The following MUC4 variants were observed in gnomAD, a reference collection of about 807,000 sequenced individuals.
MUC4 encodes the protein mucin-4.
In MUC4, 202 loss-of-function variants were observed where a neutral mutation model predicts 257.9. The ratio of observed to expected loss-of-function variants is 0.78; its 90% CI spans 0.70 to 0.88. The LOEUF (loss-of-function observed/expected upper bound fraction) is 0.88, where lower values mean the gene tolerates loss of function less well. Ranked by LOEUF, MUC4 falls within the 40% of genes least tolerant of loss-of-function variation. The probability of loss-of-function intolerance (pLI) is 0.00; values close to 1 mark genes in which losing one functional copy is unlikely to be tolerated. For synonymous variants in MUC4, 2,351 were observed against 2,757.1 expected, an observed-to-expected ratio of 0.85 and a Z score of 4.62; for missense variants, 5,976 against 6,513.7, an observed-to-expected ratio of 0.92 and a Z score of 2.84.
In MUC4 at chr3:195,789,259, T is replaced by TG; in HGVS notation, c.2320dup (p.His774ProfsTer4). On this transcript the variant is annotated frameshift_variant, in exon 2 of 25. Coordinates refer to ENST00000463781, the MANE Select transcript of MUC4 (RefSeq NM_018406.7). LOFTEE classifies it high-confidence loss of function. ...AGAGGCCTCTGTGCTCTCAGCCTGG[T>TG]GGGTATGGGTCATGGCTGCTGCTGT... is the stretch of plus-strand genomic sequence containing the variant. 1.2e-6 allele frequency: 2 copies of TG among 1,613,826 alleles called. No individual in the cohort carries two copies. The highest frequency in any genetic ancestry group is 1.7e-6 in the Non-Finnish European group (2 of 1,179,840).
chr3:195,784,077 G>C lies in MUC4; in HGVS notation c.7503C>G (p.Ser2501Arg), dbSNP rs1252041830. Residue 2501 changes from serine to arginine, a missense_variant, in exon 2 of 25, where the codon AGC (serine) becomes AGG (arginine). This residue lies in a region of MUC4 where 135 missense variants were observed against 114.7 expected (regional missense o/e 1.18). Transcript: ENST00000463781. ...TGDTTRLPVT[S>R]PSSASTGHTT... Reference sequence around the variant, plus strand: ...TGTGACCTGTAGATGCTGAGGAAGGGCTGGTGACAGGAAGACGGGTGGTGT... The same window carrying C: ...TGTGACCTGTAGATGCTGAGGAAGGCCTGGTGACAGGAAGACGGGTGGTGT... 2 of 1,529,128 alleles carry C rather than the reference G, an allele frequency of 1.3e-6. No homozygotes were observed. Among genetic ancestry groups the C allele is most frequent in the East Asian group, 2.5e-5 (1 of 40,782 alleles). 94.7% of individuals were successfully genotyped at this position (1,529,128 alleles called of 1,614,324 possible).
intron 2 of MUC4, 63 bp downstream of exon 2, chr3:195,778,727 C>T (rs1342726855): frequency 1.3e-6 from 2 of 1,498,156 alleles, no homozygotes; most frequent in Admixed American, 4.0e-5. Context: ...TCAGGTACTC[C>T]TTAGGCTGAA....
In MUC4 at chr3:195,751,203, T is replaced by G. The variant is rs200031788; in HGVS notation, c.15647+4A>C. On this transcript the variant is annotated splice_donor_region_variant and intron_variant, in intron 22 of 24. Coordinates refer to ENST00000463781, the MANE Select transcript of MUC4 (RefSeq NM_018406.7). ...GGGGCTTAGGGGGACACAGTCCCACTTACATTCGTTCCACTTGGCTGTTGC... is the reference window on the plus strand; with the variant it reads ...GGGGCTTAGGGGGACACAGTCCCACGTACATTCGTTCCACTTGGCTGTTGC... 16 of 1,599,840 alleles carry G rather than the reference T, an allele frequency of 1.0e-5. 1 individual carries two copies. The African/African-American group carries it at 2.1e-4, about 21-fold the overall frequency.
Position 195,757,435 on chromosome 3 carries a change from C to A in MUC4, c.14987-107G>T. The A allele has an allele frequency of 2.0e-6, 2 of 1,023,348 alleles. No individual in the cohort carries two copies. The highest frequency in any genetic ancestry group is 1.4e-6 in the Non-Finnish European group (1 of 705,548). The allele number at this position is 1,023,348 out of a possible 1,614,324, so 63.4% of individuals were successfully genotyped here. On this transcript the variant is annotated intron_variant, in intron 17 of 24. Transcript: ENST00000463781. The surrounding 1 kb of genome is among the most constrained non-coding windows in gnomAD (Gnocchi z 4.8). ...ACCCCTCTCAGGCCACCCTCCCCCT[C>A]CCCAGACAAATCTCATTGGTCATTT...
At position 195,782,952 on chromosome 3, in the gene MUC4, A is replaced by G; in HGVS notation, c.8628T>C (p.Gly2876=). ...CGGTGACAGGAAGAGGGGTGGCATG[A>G]CCTGTGGACACTGAGGAAGCGTCGG... ...PVTDASSVST[G]HATPLPVTDA... is the part of the protein sequence containing the mutation. Residue 2876 remains glycine, a synonymous_variant, in exon 2 of 25, where the codon GGT becomes GGC. Transcript: ENST00000463781. 8.2e-7 allele frequency: 1 copy of G among 1,213,926 alleles called. No homozygotes were observed. The highest frequency in any genetic ancestry group is 1.1e-6 in the Non-Finnish European group (1 of 901,306). The allele number at this position is 1,213,926 out of a possible 1,614,324, so 75.2% of individuals were successfully genotyped here. A position where few individuals can be genotyped will look rare whatever the true frequency, so the allele number is the denominator to read the frequency against.
chr3:195,803,583 A>G (rs887486738), intron 1 of MUC4, among the ~76,000 whole-genome samples: 3 of 152,332 alleles, frequency 2.0e-5, no homozygotes, highest in East Asian at 1.9e-4. Context: ...GAATAATACA[A>G]ATGTTCACAG....
chr3:195,780,825 A>G lies in MUC4; in HGVS notation c.10755T>C (p.Leu3585=), dbSNP rs1487252827. 1.8e-6 allele frequency: 2 copies of G among 1,116,244 alleles called. No homozygotes were observed. Among genetic ancestry groups the G allele is most frequent in the South Asian group, 2.7e-5 (2 of 74,276 alleles). The allele number at this position is 1,116,244 out of a possible 1,614,324, so 69.1% of individuals were successfully genotyped here. A position where few individuals can be genotyped will look rare whatever the true frequency, so the allele number is the denominator to read the frequency against. The change falls in exon 2 of 25, where the codon CTT becomes CTC. Residue 3585 remains leucine, a synonymous_variant. Coordinates refer to ENST00000463781, the MANE Select transcript of MUC4 (RefSeq NM_018406.7). ...SSVSTGDTTP[L]LVTDASSVST... Reference sequence around the variant, plus strand: ...ATACTGAGGAAGCGTCGGTGACAAGAAGAGGGGTGGTGTCACCTGTGGATA... The same window carrying G: ...ATACTGAGGAAGCGTCGGTGACAAGGAGAGGGGTGGTGTCACCTGTGGATA...
At chr3:195,769,517 G>A (rs937302591) in intron 6 of MUC4, 3 of 231,450 alleles carry the variant, frequency 1.3e-5, no homozygotes, top group Admixed American at 5.0e-5. Flanking sequence ...GCTCCCGCGC[G>A]GATATTTAAG....
At chr3:195,801,694 C>T (rs982255790) in intron 1 of MUC4, among the ~76,000 whole-genome samples, 8 of 152,270 alleles carry the variant, frequency 5.3e-5, no homozygotes, top group Admixed American at 2.6e-4. Flanking sequence ...CCGTTTTCCT[C>T]AGAGCTACCA....
In MUC4 at chr3:195,757,421, G is replaced by T; in HGVS notation, c.14987-93C>A. 7.6e-6 allele frequency: 9 copies of T among 1,182,660 alleles called. No homozygotes were observed. The highest frequency in any genetic ancestry group is 1.1e-5 in the Non-Finnish European group (9 of 842,310). The allele number at this position is 1,182,660 out of a possible 1,614,324, so 73.3% of individuals were successfully genotyped here. A position where few individuals can be genotyped will look rare whatever the true frequency, so the allele number is the denominator to read the frequency against. On this transcript the variant is annotated intron_variant, in intron 17 of 24. Transcript: ENST00000463781. This position sits in a 1 kb window ranked among gnomAD's most constrained non-coding sequence, Gnocchi z 4.8. ...ACGGGGCTTCCCCCACCCCTCTCAG[G>T]CCACCCTCCCCCTCCCCAGACAAAT...
Position 195,765,329 on chromosome 3 carries a change from G to A in MUC4, c.13739C>T (p.Ser4580Phe), listed in dbSNP as rs530127027. The A allele has an allele frequency of 3.1e-6, 5 of 1,613,876 alleles. No homozygotes were observed. Among genetic ancestry groups the A allele is most frequent in the South Asian group, 2.2e-5 (2 of 91,082 alleles). The change falls in exon 9 of 25, where the codon TCC becomes TTC. Residue 4580 changes from serine to phenylalanine, a missense_variant. Ser to Phe is a radical substitution (Grantham distance 155, BLOSUM62 -2). Around this residue, in one of 44 missense-constraint regions of MUC4, gnomAD observed 996 missense variants for 1,137.3 expected, o/e 0.88. Transcript: ENST00000463781. ...TCCCTGCTGCCAGGAACAAGGGCAG[G>A]AGACCTGGTTCCAGCCCCAGCTGGG... ...RWPSWGWNQV[S>F]CPCSWQQGRR... is the part of the protein sequence containing the mutation.
chr3:195,799,888 A>T (rs1437324135), intron 1 of MUC4, among the ~76,000 whole-genome samples: 1 of 152,196 alleles, frequency 6.6e-6, no homozygotes, highest in African/African-American at 2.4e-5. Flanking sequence ...AGTGTGCAAG[A>T]GTGTGCCTGT....
chr3:195,759,990 G>A (rs1457370262), intron 16 of MUC4, among the ~76,000 whole-genome samples: 1 of 151,708 alleles, frequency 6.6e-6, no homozygotes, highest in Non-Finnish European at 1.5e-5. Context: ...CAGAAATAGA[G>A]AGGGAGTGAA....
At chr3:195,758,762 G>T (rs1464245116) in intron 17 of MUC4, among the ~76,000 whole-genome samples, 1 of 149,304 alleles carries the variant, frequency 6.7e-6, no homozygotes, top group Non-Finnish European at 1.5e-5. Flanking sequence ...GTACAGACGG[G>T]GTTTCACCAT....
intron 23 of MUC4, 155 bp downstream of exon 23, chr3:195,750,734 C>A (rs532729414): frequency 1.4e-6 from 1 of 730,950 alleles, no homozygotes; most frequent in Non-Finnish European, 2.2e-6. Flanking sequence ...CTCCTGCTCT[C>A]GAATCTAAAA....
chr3:195,773,522 CCATCGCTCAGCAGG>C (rs1410839923), intron 4 of MUC4, among the ~76,000 whole-genome samples: 7 of 134,092 alleles, frequency 5.2e-5, no homozygotes, highest in African/African-American at 2.5e-4. Flanking sequence ...CACCCTCTCT[CCATCGCTCAGCAGG>C]TGTGGACACC....
chr3:195,796,934 A>T (rs192259856), intron 1 of MUC4, among the ~76,000 whole-genome samples: 58 of 152,174 alleles, frequency 3.8e-4, no homozygotes, highest in Admixed American at 7.2e-4. Context: ...ATCGTAAATA[A>T]AATATTAGCA....
rs1360867619 is a variant in MUC4, at chr3:195,755,973, A to T, written c.15168+1174T>A. ...TTCCTTTACAACCAAAAATAAAAATAAAAAAGCAGATAGGACAAGAGTCGT... is the reference window on the plus strand; with the variant it reads ...TTCCTTTACAACCAAAAATAAAAATTAAAAAGCAGATAGGACAAGAGTCGT... On this transcript the variant is annotated intron_variant, in intron 18 of 24. Coordinates refer to ENST00000463781, the MANE Select transcript of MUC4 (RefSeq NM_018406.7). This position sits in a 1 kb window ranked among gnomAD's most constrained non-coding sequence, Gnocchi z 5.0. Among the ~76,000 whole-genome samples the T allele has an allele frequency of 1.3e-5, 2 of 152,208 alleles. No individual in the cohort carries two copies. The highest frequency in any genetic ancestry group is 4.8e-5 in the African/African-American group (2 of 41,442).
intron 16 of MUC4, among the ~76,000 whole-genome samples, chr3:195,759,918 A>AACACACACACACACAGGCACGCACGC (rs1553855205): frequency 2.0e-5 from 3 of 149,738 alleles, no homozygotes; most frequent in East Asian, 4.0e-4. Flanking sequence ...AAACTCCGTC[A>AACACACACACACACAGGCACGCACGC]ACACACACAC....
Sources: allele counts gnomAD v4.1 joint callset (sites outside exome capture counted in the v4.1 genomes callset), GRCh38; gene constraint gnomAD v4.1.1; regional missense constraint gnomAD v4.1.1; non-coding constraint Gnocchi (gnomAD v3.1); transcripts MANE v1.5; gene names NCBI Gene and HGNC (gene_info 2026-07-23, HGNC 2026-07-21).